The following CSMD3 variants were observed in gnomAD, a reference collection of about 807,000 sequenced individuals.
CSMD3 encodes CUB and sushi domain-containing protein 3.
CSMD3 carries 177 observed loss-of-function variants against 435.2 expected under a neutral mutation model. That is an observed-to-expected ratio of 0.41 (90% confidence interval 0.36 to 0.46). CSMD3 has a LOEUF of 0.46. Ranked by LOEUF, CSMD3 falls within the 20% of genes least tolerant of loss-of-function variation. The pLI, the probability that CSMD3 is intolerant of heterozygous loss-of-function variation, is 0.34. For synonymous variants in CSMD3, 1,656 were observed against 1,520.5 expected (o/e 1.09, Z -2.07); for missense variants, 4,265 against 4,504.6 (o/e 0.95, Z 1.52).
At chr8:113,316,646 T>C (rs1296138431) in intron 1 of CSMD3, among the ~76,000 whole-genome samples, 1 of 151,496 alleles carries the variant, frequency 6.6e-6, no homozygotes, top group Non-Finnish European at 1.5e-5. Context: ...CCCTCCTGGG[T>C]TCAAGTGATT....
chr8:113,420,359 G>A (rs192870443), intron 1 of CSMD3, among the ~76,000 whole-genome samples: 1 of 151,942 alleles, frequency 6.6e-6, no homozygotes, highest in Non-Finnish European at 1.5e-5. Flanking sequence ...TTTTCAACAT[G>A]CTGAATTAAT....
chr8:113,436,128 A>G (rs900784632), intron 1 of CSMD3, among the ~76,000 whole-genome samples: 1 of 152,054 alleles, frequency 6.6e-6, no homozygotes, highest in African/African-American at 2.4e-5. Flanking sequence ...TACATTTAAC[A>G]TTGCATAGAA....
intron 32 of CSMD3, among the ~76,000 whole-genome samples, chr8:112,433,654 C>CAAAAAAAAAAAAAAAAAA (rs35572894): frequency 5.4e-5 from 5 of 93,192 alleles, no homozygotes; most frequent in East Asian, 3.2e-4. Flanking sequence ...GAGAACCTGT[C>CAAAAAAAAAAAAAAAAAA]AAAAAAAAAA....
At chr8:112,645,088 T>C in intron 20 of CSMD3, 21 bp downstream of exon 20, 2 of 1,131,950 alleles carry the variant, frequency 1.8e-6, no homozygotes, top group Admixed American at 3.4e-5. Flanking sequence ...AGTCCAATTA[T>C]TATTTCATGA....
chr8:113,199,845 G>C (rs1204952841), intron 3 of CSMD3, among the ~76,000 whole-genome samples: 1 of 151,768 alleles, frequency 6.6e-6, no homozygotes, highest in Non-Finnish European at 1.5e-5. Context: ...TAAAGGTTAG[G>C]AAAAAGGACA....
intron 35 of CSMD3, among the ~76,000 whole-genome samples, chr8:112,392,864 C>CT (rs56809581): frequency 0.25 from 30,520 of 122,094 alleles, 4,409 homozygotes; most frequent in African/African-American, 0.39. Context: ...TCTTTTTTTT[C>CT]TTTTTTTTTT....
intron 27 of CSMD3, among the ~76,000 whole-genome samples, chr8:112,534,801 A>T (rs538062741): frequency 6.6e-6 from 1 of 152,220 alleles, no homozygotes; most frequent in Admixed American, 6.5e-5. Context: ...GGCAAACCGA[A>T]TCCAGCAGCA....
chr8:113,121,663 G>T (rs896360004), intron 4 of CSMD3, among the ~76,000 whole-genome samples: 2 of 151,874 alleles, frequency 1.3e-5, no homozygotes, highest in African/African-American at 4.8e-5. Context: ...TCCCTAAAGG[G>T]CTTATTATCT....
chr8:113,142,682 A>C (rs2131737277), intron 4 of CSMD3, among the ~76,000 whole-genome samples: 1 of 151,196 alleles, frequency 6.6e-6, no homozygotes, highest in East Asian at 2.0e-4. Flanking sequence ...GTATTTGACA[A>C]CACAACAGAG....
At chr8:112,714,312 A>T (rs2076676404) in intron 13 of CSMD3, among the ~76,000 whole-genome samples, 1 of 146,762 alleles carries the variant, frequency 6.8e-6, no homozygotes. Flanking sequence ...ACCATCAAAG[A>T]TCAAAAAAGA....
intron 23 of CSMD3, among the ~76,000 whole-genome samples, chr8:112,580,532 A>G (rs1332290855): frequency 1.3e-5 from 1 of 78,650 alleles, no homozygotes; most frequent in Non-Finnish European, 2.7e-5. Context: ...TGCAGAAAAG[A>G]GGTAGGAAAA....
chr8:113,178,734 A>G (rs984007099), intron 3 of CSMD3, among the ~76,000 whole-genome samples: 5 of 151,924 alleles, frequency 3.3e-5, no homozygotes, highest in Admixed American at 2.6e-4. Flanking sequence ...ATAGAAAAGT[A>G]TAAGAATCAA....
At chr8:112,678,023 G>A (rs1668737141) in intron 16 of CSMD3, among the ~76,000 whole-genome samples, 1 of 152,050 alleles carries the variant, frequency 6.6e-6, no homozygotes. Flanking sequence ...TATTTATACT[G>A]TTTTTAAGCA....
chr8:113,338,798 A>G (rs1393043922), intron 1 of CSMD3, among the ~76,000 whole-genome samples: 1 of 152,016 alleles, frequency 6.6e-6, no homozygotes, highest in East Asian at 1.9e-4. Context: ...AAACTAGATC[A>G]TATTGATGCT....
intron 10 of CSMD3, among the ~76,000 whole-genome samples, chr8:112,890,400 T>C (rs1290628963): frequency 2.0e-5 from 3 of 151,728 alleles, no homozygotes; most frequent in African/African-American, 7.2e-5. Context: ...CTTTTTTTCT[T>C]AACCTATAAT....
At chr8:112,671,416 A>G (rs2075652451) in intron 16 of CSMD3, among the ~76,000 whole-genome samples, 2 of 152,152 alleles carry the variant, frequency 1.3e-5, no homozygotes, top group Middle Eastern at 3.4e-3. Context: ...AGCTCCAATT[A>G]TCAAACATAA....
chr8:112,637,153 A>C, intron 21 of CSMD3, 148 bp from the exon 22 acceptor site: 1 of 664,820 alleles, frequency 1.5e-6, no homozygotes. Flanking sequence ...GAACGTACAA[A>C]TGGCACACAT....
intron 13 of CSMD3, among the ~76,000 whole-genome samples, chr8:112,716,787 C>A (rs2076739200): frequency 6.6e-6 from 1 of 152,188 alleles, no homozygotes; most frequent in South Asian, 2.1e-4. Context: ...CTACAACCAT[C>A]TGATCTTCTA....
chr8:112,458,540 G>A (rs1049202689), intron 32 of CSMD3, among the ~76,000 whole-genome samples: 1 of 152,032 alleles, frequency 6.6e-6, no homozygotes. Context: ...ATAAGCTTGT[G>A]ACTATAATTT....
Sources: allele counts gnomAD v4.1 joint callset (sites outside exome capture counted in the v4.1 genomes callset), GRCh38; gene constraint gnomAD v4.1.1; transcripts MANE v1.5; gene names NCBI Gene and HGNC (gene_info 2026-07-23, HGNC 2026-07-21).